The following NYX variants were observed in gnomAD, a reference collection of about 807,000 sequenced individuals.
NYX encodes the protein leucine-rich repeat protein.
For missense variants in NYX, 481 were observed against 485.4 expected (o/e 0.99, Z 0.09); for synonymous variants, 258 against 245.7 (o/e 1.05, Z -0.47).
intron 2 of NYX, among the ~76,000 whole-genome samples, chrX:41,455,107 GT>G (rs1299297892): frequency 1.4e-4 from 14 of 103,625 alleles, no homozygotes; most frequent in South Asian, 4.2e-4. Context: ...TTGTTTTTTT[GT>G]TTTTTTTTTT....
At chrX:41,471,397 C>T (rs1433960566) in intron 2 of NYX, among the ~76,000 whole-genome samples, 2 of 112,397 alleles carry the variant, frequency 1.8e-5, no homozygotes, top group Non-Finnish European at 3.8e-5. Context: ...CAGGCGTGAG[C>T]CACCGCACCT....
At chrX:41,472,378 A>G in intron 2 of NYX, 1 of 1,162,997 alleles carries the variant, frequency 8.6e-7, no homozygotes, top group Non-Finnish European at 1.2e-6. Context: ...CGGTGGCTCC[A>G]AAGTGGGTGG....
chrX:41,455,454 A>G (rs1425960543), intron 2 of NYX, among the ~76,000 whole-genome samples: 1 of 108,427 alleles, frequency 9.2e-6, no homozygotes, highest in Non-Finnish European at 1.9e-5. Flanking sequence ...CAGGGATGAG[A>G]GTGTCCTCAG....
intron 2 of NYX, 149 bp downstream of exon 2, chrX:41,448,075 G>T: frequency 1.7e-6 from 1 of 574,073 alleles, no homozygotes; most frequent in South Asian, 2.9e-5. Context: ...CGTGGGGGAG[G>T]GGATAGAGAA....
rs1293353729 is a variant in NYX, at chrX:41,475,466, T to A, written c.*567T>A. ...GCGGTGGTTCCTGGGGTCTGAGATG[T>A]GTTAGGAGGCGTTTAAAACAAAGAT... On this transcript the variant is annotated 3_prime_UTR_variant, in exon 3 of 3. Coordinates refer to ENST00000378220, the MANE Select transcript of NYX (RefSeq NM_001378477.3). The A allele has an allele frequency of 8.8e-6, 1 of 113,266 alleles. No individual in the cohort carries two copies. The highest frequency in any genetic ancestry group is 9.3e-5 in the Admixed American group (1 of 10,748). 9.3% of individuals were successfully genotyped at this position (113,266 alleles called of 1,213,427 possible). A position where few individuals can be genotyped will look rare whatever the true frequency, so the allele number is the denominator to read the frequency against.
chrX:41,464,670 C>CGTGTGTGTGTGT (rs768617215), intron 2 of NYX, among the ~76,000 whole-genome samples: 22,006 of 101,495 alleles, frequency 0.22, 2,125 homozygotes, highest in South Asian at 0.5. Flanking sequence ...ATGGGCCGTG[C>CGTGTGTGTGTGT]GTGTGTGTGT....
rs1168630947 is a variant in NYX at position 41,473,511 on chromosome X, A to G, written c.43A>G (p.Ser15Gly). ...CGCAGCGGTGGTCCTCGGCCTGCCC[A>G]GCGCCTGGGCCGTGGGGGCCTGCGC... is the stretch of plus-strand genomic sequence containing the variant. Reference protein sequence around the residue: ...LLHAVVLGLPSAWAVGACARA... With the variant: ...LLHAVVLGLPGAWAVGACARA... The change falls in exon 3 of 3, where the codon AGC becomes GGC. Residue 15 changes from serine (S) to glycine (G), a missense_variant. Physicochemically the swap from Ser to Gly is moderately conservative, Grantham distance 56 (BLOSUM62 0). Transcript: ENST00000378220. The G allele has an allele frequency of 2.0e-5, 20 of 986,286 alleles. No homozygotes were observed. Among genetic ancestry groups the G allele is most frequent in the Non-Finnish European group, 2.6e-5 (20 of 784,036 alleles). The allele number at this position is 986,286 out of a possible 1,213,427, so 81.3% of individuals were successfully genotyped here. A position where few individuals can be genotyped will look rare whatever the true frequency, so the allele number is the denominator to read the frequency against.
In NYX at chrX:41,473,759, G is replaced by A; in HGVS notation, c.291G>A (p.Thr97=). ...SLRHNNLSFI[T]PGAFKGLPRL... is the part of the protein sequence containing the mutation. ...GCCACAACAACCTGTCCTTCATCAC[G>A]CCCGGCGCCTTCAAGGGCCTGCCGC... Residue 97 remains threonine (T), a synonymous_variant, in exon 3 of 3, where the codon ACG becomes ACA. Coordinates refer to ENST00000378220, the MANE Select transcript of NYX (RefSeq NM_001378477.3). 8.7e-7 allele frequency: 1 copy of A among 1,149,484 alleles called. No homozygotes were observed. The highest frequency in any genetic ancestry group is 3.4e-5 in the East Asian group (1 of 29,104). The allele number at this position is 1,149,484 out of a possible 1,213,427, so 94.7% of individuals were successfully genotyped here. A position where few individuals can be genotyped will look rare whatever the true frequency, so the allele number is the denominator to read the frequency against.
intron 2 of NYX, among the ~76,000 whole-genome samples, chrX:41,454,618 T>C (rs886655286): frequency 9.2e-6 from 1 of 108,311 alleles, no homozygotes; most frequent in African/African-American, 3.4e-5. Flanking sequence ...GCTGATCCTT[T>C]TTTTTTAAGA....
chrX:41,475,062 G>C lies in NYX; in HGVS notation c.*163G>C. The stretch of plus-strand genomic sequence containing the variant: ...GGGAGAACACAGGGACGTGCCACTC[G>C]AGGGGGAGGATGGTATGGATTTCTG... On this transcript the variant is annotated 3_prime_UTR_variant, in exon 3 of 3. Transcript: ENST00000378220. 1 of 491,333 alleles carries C rather than the reference G, an allele frequency of 2.0e-6. No individual in the cohort carries two copies. The highest frequency in any genetic ancestry group is 3.6e-6 in the Non-Finnish European group (1 of 279,949). The allele number at this position is 491,333 out of a possible 1,213,427, so 40.5% of individuals were successfully genotyped here.
At chrX:41,472,699 C>T (rs184226973) in intron 2 of NYX, 63 of 345,603 alleles carry the variant, frequency 1.8e-4, no homozygotes, top group African/African-American at 1.4e-3. Flanking sequence ...CCACTTCCGC[C>T]GGCACCCCGC....
At chrX:41,450,332 A>G (rs1240676147) in intron 2 of NYX, among the ~76,000 whole-genome samples, 10 of 111,654 alleles carry the variant, frequency 9.0e-5, no homozygotes, top group Non-Finnish European at 1.5e-4. Flanking sequence ...GCTGGAGTGC[A>G]GTGGCATGAT....
chrX:41,471,101 C>T (rs1169831382), intron 2 of NYX, among the ~76,000 whole-genome samples: 1 of 111,546 alleles, frequency 9.0e-6, no homozygotes, highest in Non-Finnish European at 1.9e-5. Context: ...TTTTCCAGAG[C>T]TTATATACCT....
chrX:41,470,616 C>T (rs1273906861), intron 2 of NYX, among the ~76,000 whole-genome samples: 2 of 102,035 alleles, frequency 2.0e-5, no homozygotes, highest in African/African-American at 7.3e-5. Flanking sequence ...ATCACTTGAA[C>T]CTGGGAGGCG....
In NYX at chrX:41,475,191, C is replaced by A. The variant is rs1025898413; in HGVS notation, c.*292C>A. 2.7e-6 allele frequency: 1 copy of A among 365,720 alleles called. No homozygotes were observed. The highest frequency in any genetic ancestry group is 2.6e-5 in the African/African-American group (1 of 38,829). 30.1% of individuals were successfully genotyped at this position (365,720 alleles called of 1,213,427 possible). ...AAGCTTCTAGGGCTTCACATCCCTT[C>A]CCCTCCCCTCCCCTTCCCCTCATCT... is the stretch of plus-strand genomic sequence containing the variant. On this transcript the variant is annotated 3_prime_UTR_variant, in exon 3 of 3. Transcript: ENST00000378220.
intron 2 of NYX, chrX:41,472,031 A>C: frequency 4.6e-6 from 1 of 217,297 alleles, no homozygotes; most frequent in Non-Finnish European, 8.8e-6. Flanking sequence ...TAGAGTTCAG[A>C]GTTCTGTGAG....
intron 2 of NYX, among the ~76,000 whole-genome samples, chrX:41,462,798 T>C (rs777842835): frequency 1.6e-4 from 18 of 111,959 alleles, no homozygotes; most frequent in Non-Finnish European, 3.2e-4. Context: ...CATTTATTAA[T>C]TGGATTATTT....
chrX:41,462,837 T>C (rs2064324805), intron 2 of NYX, among the ~76,000 whole-genome samples: 1 of 111,758 alleles, frequency 8.9e-6, no homozygotes, highest in Non-Finnish European at 1.9e-5. Context: ...GTTCTTCATA[T>C]ATTTTAAATA....
chrX:41,465,150 G>C (rs1038545898), intron 2 of NYX, among the ~76,000 whole-genome samples: 2 of 108,405 alleles, frequency 1.8e-5, no homozygotes, highest in Middle Eastern at 4.4e-3. Flanking sequence ...ATCTTTGCTT[G>C]GTAATTCCAA....
Sources: allele counts gnomAD v4.1 joint callset (sites outside exome capture counted in the v4.1 genomes callset), GRCh38; gene constraint gnomAD v4.1.1; transcripts MANE v1.5; gene names NCBI Gene and HGNC (gene_info 2026-07-23, HGNC 2026-07-21).